PCDH15: variants seen among roughly 807,000 people sequenced by gnomAD.
PCDH15 encodes protocadherin-15.
In PCDH15, 129 loss-of-function variants were observed where a neutral mutation model predicts 178.5. The observed-to-expected ratio is 0.72, with a 90% CI of 0.63 to 0.84. The LOEUF is 0.84. Ranked by LOEUF, PCDH15 falls within the 40% of genes least tolerant of loss-of-function variation. The pLI is 0.00. For synonymous variants in PCDH15, 800 were observed against 732.0 expected, an observed-to-expected ratio of 1.09 and a Z score of -1.50; for missense variants, 2,230 against 2,099.9, an observed-to-expected ratio of 1.06 and a Z score of -1.21.
At chr10:55,036,633 ATT>A (rs1161309459) in intron 2 of PCDH15, among the ~76,000 whole-genome samples, 2 of 152,160 alleles carry the variant, frequency 1.3e-5, no homozygotes, top group Non-Finnish European at 2.9e-5. Flanking sequence ...AGCAACTGCA[ATT>A]TCCTTGACTT....
chr10:55,460,116 G>T (rs2132091436), intron 2 of PCDH15, among the ~76,000 whole-genome samples: 1 of 151,806 alleles, frequency 6.6e-6, no homozygotes, highest in South Asian at 2.1e-4. Flanking sequence ...ACAGAGTTGG[G>T]GGTACGAATC....
intron 2 of PCDH15, among the ~76,000 whole-genome samples, chr10:55,105,064 T>G (rs1378527469): frequency 4.6e-5 from 7 of 152,342 alleles, no homozygotes; most frequent in African/African-American, 9.6e-5. Flanking sequence ...TATGACTTAA[T>G]GCTGCATTTT....
intron 2 of PCDH15, among the ~76,000 whole-genome samples, chr10:55,049,502 T>A (rs1404931044): frequency 6.6e-6 from 1 of 151,890 alleles, no homozygotes; most frequent in Non-Finnish European, 1.5e-5. Flanking sequence ...TTATGGTAAC[T>A]CCTCTTATAA....
At chr10:54,939,941 G>T (rs952379977) in intron 2 of PCDH15, among the ~76,000 whole-genome samples, 1 of 152,050 alleles carries the variant, frequency 6.6e-6, no homozygotes, top group African/African-American at 2.4e-5. Context: ...TCACCTTAGG[G>T]GTTAGGTTTC....
At chr10:54,308,768 T>A (rs1439046496) in intron 8 of PCDH15, among the ~76,000 whole-genome samples, 1 of 152,062 alleles carries the variant, frequency 6.6e-6, no homozygotes, top group Non-Finnish European at 1.5e-5. Context: ...TTTCTCCTAA[T>A]GCTATCCCTC....
chr10:54,180,869 G>T (rs948711531), intron 13 of PCDH15, among the ~76,000 whole-genome samples: 1 of 152,122 alleles, frequency 6.6e-6, no homozygotes, highest in African/African-American at 2.4e-5. Flanking sequence ...AATCTGCATA[G>T]TTCAGGAAAA....
chr10:55,495,039 C>T (rs1457230150), intron 2 of PCDH15, among the ~76,000 whole-genome samples: 2 of 151,564 alleles, frequency 1.3e-5, no homozygotes, highest in South Asian at 4.2e-4. Flanking sequence ...GCTAGTACAA[C>T]CGGATATGCA....
chr10:55,460,974 T>C (rs964028535), intron 2 of PCDH15, among the ~76,000 whole-genome samples: 7 of 152,140 alleles, frequency 4.6e-5, no homozygotes, highest in African/African-American at 1.2e-4. Context: ...GAGTGTTCTG[T>C]GTATTCTACC....
At chr10:54,681,887 G>A (rs2094907432) in intron 1 of PCDH15, among the ~76,000 whole-genome samples, 1 of 152,176 alleles carries the variant, frequency 6.6e-6, no homozygotes, top group African/African-American at 2.4e-5. Flanking sequence ...TAAGAGAAAA[G>A]TCCTTTCTTA....
chr10:55,043,524 C>T (rs1321576388), intron 2 of PCDH15, among the ~76,000 whole-genome samples: 1 of 151,870 alleles, frequency 6.6e-6, no homozygotes, highest in African/African-American at 2.4e-5. Context: ...GCCTGGGCAA[C>T]ACAGTGAGAT....
chr10:53,941,420 C>T (rs2086055752), intron 23 of PCDH15, among the ~76,000 whole-genome samples: 1 of 152,142 alleles, frequency 6.6e-6, no homozygotes, highest in South Asian at 2.1e-4. Context: ...TGGAATCACA[C>T]AGTATGTAAC....
chr10:55,398,821 C>A (rs933139049), intron 2 of PCDH15, among the ~76,000 whole-genome samples: 3 of 151,938 alleles, frequency 2.0e-5, no homozygotes, highest in African/African-American at 7.3e-5. Flanking sequence ...GTAGCAGAGA[C>A]ATAGTAGGTA....
At chr10:55,234,343 A>T (rs72803811) in intron 1 of PCDH15, among the ~76,000 whole-genome samples, 20,725 of 152,116 alleles carry the variant, frequency 0.14, 1,541 homozygotes, top group East Asian at 0.26. Context: ...AAATTAAAAA[A>T]AATTAAATAT....
chr10:54,457,782 T>C (rs950345802), intron 3 of PCDH15, among the ~76,000 whole-genome samples: 2 of 152,160 alleles, frequency 1.3e-5, no homozygotes, highest in African/African-American at 4.8e-5. Flanking sequence ...CACAAAACTA[T>C]GTGCTACAGG....
chr10:55,099,434 A>C (rs1842525530), intron 2 of PCDH15, among the ~76,000 whole-genome samples: 1 of 152,078 alleles, frequency 6.6e-6, no homozygotes, highest in Admixed American at 6.6e-5. Context: ...CTAAATGAGA[A>C]ATGTCACAGG....
chr10:55,127,842 A>G, intron 2 of PCDH15, among the ~76,000 whole-genome samples: 1 of 152,018 alleles, frequency 6.6e-6, no homozygotes, highest in Non-Finnish European at 1.5e-5. Context: ...CTGTTGTTTC[A>G]TTATACTTTC....
chr10:54,219,101 A>C (rs541809584), intron 9 of PCDH15, among the ~76,000 whole-genome samples: 4,554 of 143,414 alleles, frequency 0.032, 124 homozygotes, highest in Middle Eastern at 0.071. Flanking sequence ...AAAAAAAAAA[A>C]AAAAAACAAA....
At chr10:53,864,554 G>A (rs1431288558) in intron 27 of PCDH15, among the ~76,000 whole-genome samples, 1 of 152,070 alleles carries the variant, frequency 6.6e-6, no homozygotes, top group Non-Finnish European at 1.5e-5. Context: ...TTTAGCCTCA[G>A]GCCAAATCCT....
At chr10:55,010,527 G>T (rs929249073) in intron 2 of PCDH15, among the ~76,000 whole-genome samples, 1 of 152,120 alleles carries the variant, frequency 6.6e-6, no homozygotes, top group Non-Finnish European at 1.5e-5. Context: ...CTGAGGCACT[G>T]ATGTGTCAGC....
Sources: allele counts gnomAD v4.1 joint callset (sites outside exome capture counted in the v4.1 genomes callset), GRCh38; gene constraint gnomAD v4.1.1; transcripts MANE v1.5; gene names NCBI Gene and HGNC (gene_info 2026-07-23, HGNC 2026-07-21).